PPP1R16B: variants seen among roughly 807,000 people sequenced by gnomAD.
PPP1R16B encodes the protein protein phosphatase 1 regulatory inhibitor subunit 16B.
Under a neutral mutation model 61.7 loss-of-function variants are expected in PPP1R16B, and 14 were observed. The observed-to-expected ratio is 0.23, with a 90% CI of 0.15 to 0.35. The LOEUF (loss-of-function observed/expected upper bound fraction) is 0.35, where lower values mean the gene tolerates loss of function less well. PPP1R16B is among the 10% of genes least tolerant of loss of function. The pLI, the probability that PPP1R16B is intolerant of heterozygous loss-of-function variation, is 1.00. For synonymous variants in PPP1R16B, 266 were observed against 305.3 expected, an observed-to-expected ratio of 0.87 and a Z score of 1.34; for missense variants, 547 against 752.5, an observed-to-expected ratio of 0.73 and a Z score of 3.19.
intron 2 of PPP1R16B, among the ~76,000 whole-genome samples, chr20:38,885,757 A>T (rs2085240027): frequency 6.6e-6 from 1 of 152,188 alleles, no homozygotes. Flanking sequence ...AGGCTTAGTA[A>T]GAAAACATTA....
intron 1 of PPP1R16B, among the ~76,000 whole-genome samples, chr20:38,809,171 G>A (rs937402886): frequency 3.3e-5 from 5 of 151,926 alleles, no homozygotes; most frequent in Non-Finnish European, 5.9e-5. Context: ...CAGTGCTAGG[G>A]TGGGGAGTGA....
At chr20:38,823,966 C>T (rs1322901776) in intron 1 of PPP1R16B, among the ~76,000 whole-genome samples, 1 of 151,920 alleles carries the variant, frequency 6.6e-6, no homozygotes, top group Non-Finnish European at 1.5e-5. Flanking sequence ...AAATACTTAA[C>T]TAATGGCATA....
At chr20:38,870,650 G>C (rs2085122468) in intron 2 of PPP1R16B, among the ~76,000 whole-genome samples, 1 of 152,174 alleles carries the variant, frequency 6.6e-6, no homozygotes, top group African/African-American at 2.4e-5. Flanking sequence ...GAAACAGTGG[G>C]AAGGGAAGGG....
At chr20:38,870,201 G>A (rs912344064) in intron 2 of PPP1R16B, among the ~76,000 whole-genome samples, 1 of 152,138 alleles carries the variant, frequency 6.6e-6, no homozygotes, top group Non-Finnish European at 1.5e-5. Flanking sequence ...GCCTCCCAAA[G>A]TGCTGGGATT....
intron 1 of PPP1R16B, among the ~76,000 whole-genome samples, chr20:38,829,884 G>A (rs970652682): frequency 5.3e-5 from 8 of 152,212 alleles, no homozygotes; most frequent in East Asian, 1.9e-4. Context: ...AGCTGTCCTC[G>A]AGCCCCAGCT....
chr20:38,914,528 T>G (rs1462077060), intron 10 of PPP1R16B, among the ~76,000 whole-genome samples: 1 of 152,220 alleles, frequency 6.6e-6, no homozygotes. Flanking sequence ...CATTAAGCAT[T>G]AGGCAGATAA....
intron 4 of PPP1R16B, among the ~76,000 whole-genome samples, chr20:38,897,626 G>C (rs2085359940): frequency 6.6e-6 from 1 of 152,200 alleles, no homozygotes; most frequent in Non-Finnish European, 1.5e-5. Flanking sequence ...CCCAGAAGTG[G>C]AGTTGCTGGA....
chr20:38,912,486 G>A (rs1201718646), intron 10 of PPP1R16B, among the ~76,000 whole-genome samples: 12 of 135,766 alleles, frequency 8.8e-5, no homozygotes, highest in Non-Finnish European at 1.5e-4. Context: ...TGGCAAGACC[G>A]TATCTCTACC....
chr20:38,859,230 C>T (rs776445344), intron 2 of PPP1R16B, among the ~76,000 whole-genome samples: 2 of 151,292 alleles, frequency 1.3e-5, no homozygotes, highest in East Asian at 1.9e-4. Context: ...CAGCCCAGCA[C>T]GGGTATTCAT....
intron 1 of PPP1R16B, among the ~76,000 whole-genome samples, chr20:38,807,266 C>T (rs1568648108): frequency 6.6e-6 from 1 of 152,240 alleles, no homozygotes; most frequent in Admixed American, 6.5e-5. Context: ...CAGCGACTAG[C>T]TGTCTACTCG....
chr20:38,835,113 C>T (rs1274151353), intron 1 of PPP1R16B, among the ~76,000 whole-genome samples: 2 of 152,186 alleles, frequency 1.3e-5, no homozygotes, highest in Non-Finnish European at 1.5e-5. Flanking sequence ...CAGGAATTCC[C>T]TATGGGGTTC....
At chr20:38,913,164 C>T (rs1376678890) in intron 10 of PPP1R16B, among the ~76,000 whole-genome samples, 1 of 152,150 alleles carries the variant, frequency 6.6e-6, no homozygotes, top group Non-Finnish European at 1.5e-5. Context: ...AGCCACTGTG[C>T]CCCTTGTTTT....
chr20:38,812,411 T>A (rs1336713812), intron 1 of PPP1R16B, among the ~76,000 whole-genome samples: 3 of 152,236 alleles, frequency 2.0e-5, no homozygotes, highest in African/African-American at 7.2e-5. Context: ...CACTGACATT[T>A]ACAGCAATGT....
intron 1 of PPP1R16B, among the ~76,000 whole-genome samples, chr20:38,816,691 A>G (rs1013072247): frequency 6.6e-6 from 1 of 152,210 alleles, no homozygotes; most frequent in African/African-American, 2.4e-5. Flanking sequence ...GAGAAAATCA[A>G]CTGAATCAGC....
At chr20:38,846,384 C>A (rs1009518699) in intron 2 of PPP1R16B, among the ~76,000 whole-genome samples, 39 of 152,174 alleles carry the variant, frequency 2.6e-4, no homozygotes, top group African/African-American at 9.4e-4. Context: ...TCTGGGACAC[C>A]TCAATAGCTG....
chr20:38,878,127 T>G (rs1423195540), intron 2 of PPP1R16B, among the ~76,000 whole-genome samples: 1 of 152,208 alleles, frequency 6.6e-6, no homozygotes, highest in African/African-American at 2.4e-5. Flanking sequence ...TAATGAATAC[T>G]GTGTTGATTT....
intron 2 of PPP1R16B, among the ~76,000 whole-genome samples, chr20:38,846,549 CTT>C (rs1161899207): frequency 6.6e-6 from 1 of 152,176 alleles, no homozygotes; most frequent in Non-Finnish European, 1.5e-5. Flanking sequence ...TTTGTCTTAT[CTT>C]TATATACTCT....
chr20:38,822,380 G>A (rs958225887), intron 1 of PPP1R16B, among the ~76,000 whole-genome samples: 10 of 151,780 alleles, frequency 6.6e-5, no homozygotes, highest in African/African-American at 9.7e-5. Context: ...CTGACTGGGC[G>A]CTTCCCGCAA....
At chr20:38,858,882 T>C (rs1339022182) in intron 2 of PPP1R16B, among the ~76,000 whole-genome samples, 1 of 152,216 alleles carries the variant, frequency 6.6e-6, no homozygotes, top group Non-Finnish European at 1.5e-5. Context: ...AATTTGTCTC[T>C]GCTCCACAAC....
Sources: gnomAD v4.1 joint callset for allele counts (sites outside exome capture counted in the v4.1 genomes callset) on GRCh38, gnomAD v4.1.1 for gene constraint, MANE v1.5 for transcripts, NCBI Gene and HGNC (gene_info 2026-07-23, HGNC 2026-07-21) for gene names.